The following FOXP1 variants were observed in gnomAD, a reference collection of about 807,000 sequenced individuals.
FOXP1 encodes forkhead box protein P1.
A neutral mutation model predicts 98.2 loss-of-function variants in FOXP1; 15 were observed. The observed-to-expected ratio is 0.15, with a 90% CI of 0.10 to 0.24. FOXP1 has a LOEUF of 0.24. FOXP1 is among the 10% of genes least tolerant of loss of function. The probability of loss-of-function intolerance (pLI) is 1.00; values close to 1 mark genes in which losing one functional copy is unlikely to be tolerated. For synonymous variants in FOXP1, 371 were observed against 314.5 expected (o/e 1.18, Z -1.90); for missense variants, 633 against 848.5 (o/e 0.75, Z 3.15).
At chr3:71,260,782 T>C (rs961936521) in intron 5 of FOXP1, among the ~76,000 whole-genome samples, 27 of 151,908 alleles carry the variant, frequency 1.8e-4, no homozygotes, top group Non-Finnish European at 3.2e-4. Flanking sequence ...GACCTTGTGA[T>C]CCGCCCGCCT....
At chr3:71,280,765 A>G (rs1280280598) in intron 5 of FOXP1, among the ~76,000 whole-genome samples, 6 of 152,126 alleles carry the variant, frequency 3.9e-5, no homozygotes, top group Admixed American at 3.9e-4. Flanking sequence ...AATGTTTAGA[A>G]GGATGGTCTC....
intron 6 of FOXP1, among the ~76,000 whole-genome samples, chr3:71,116,665 C>A (rs1430458491): frequency 6.6e-6 from 1 of 152,198 alleles, no homozygotes; most frequent in East Asian, 1.9e-4. Context: ...CCTTAGGTCT[C>A]AGCAGGAGTT....
intron 3 of FOXP1, among the ~76,000 whole-genome samples, chr3:71,481,834 T>C (rs781571565): frequency 6.6e-6 from 1 of 152,196 alleles, no homozygotes; most frequent in Admixed American, 6.5e-5. Flanking sequence ...TTGAGAATAA[T>C]GCCCACAAAC....
At chr3:71,029,565 A>AT (rs1328043496) in intron 11 of FOXP1, among the ~76,000 whole-genome samples, 1 of 151,704 alleles carries the variant, frequency 6.6e-6, no homozygotes, top group African/African-American at 2.4e-5. Context: ...TAATTTTTAT[A>AT]TTTTTTGTAG....
At chr3:71,536,573 C>CT (rs3039465) in intron 2 of FOXP1, among the ~76,000 whole-genome samples, 1,589 of 134,980 alleles carry the variant, frequency 0.012, 18 homozygotes, top group Non-Finnish European at 0.016. Context: ...AACCATGTCT[C>CT]TTTTTTTTTT....
intron 5 of FOXP1, among the ~76,000 whole-genome samples, chr3:71,259,476 G>A (rs1425678484): frequency 6.6e-6 from 1 of 152,100 alleles, no homozygotes; most frequent in Non-Finnish European, 1.5e-5. Flanking sequence ...TTTTCTTATT[G>A]TCCACCAAGG....
intron 5 of FOXP1, among the ~76,000 whole-genome samples, chr3:71,209,982 G>C (rs2064331232): frequency 6.6e-6 from 1 of 152,120 alleles, no homozygotes; most frequent in Non-Finnish European, 1.5e-5. Flanking sequence ...CGTGATGTCA[G>C]TGCAAAGTGC....
intron 3 of FOXP1, among the ~76,000 whole-genome samples, chr3:71,363,618 A>G (rs1479534535): frequency 1.3e-5 from 2 of 152,214 alleles, no homozygotes; most frequent in Non-Finnish European, 2.9e-5. Flanking sequence ...ACAGGTTCTC[A>G]GATTATCAGC....
At chr3:71,383,940 G>T (rs951819574) in intron 3 of FOXP1, among the ~76,000 whole-genome samples, 1 of 152,170 alleles carries the variant, frequency 6.6e-6, no homozygotes, top group Non-Finnish European at 1.5e-5. Context: ...CAAGGCTGGC[G>T]GGCGCGGTGG....
At chr3:71,539,205 G>A (rs1025914436) in intron 2 of FOXP1, among the ~76,000 whole-genome samples, 13 of 149,712 alleles carry the variant, frequency 8.7e-5, no homozygotes, top group African/African-American at 2.5e-4. Flanking sequence ...TCCGCCTCCC[G>A]GGTTCACGCC....
chr3:71,221,290 C>T lies in FOXP1; in HGVS notation c.-11-22898G>A, dbSNP rs1418704296. Among the ~76,000 whole-genome samples, 7 of 152,168 alleles carry T rather than the reference C, an allele frequency of 4.6e-5. No individual in the cohort carries two copies. In the East Asian group the frequency reaches 5.8e-4, roughly 13 times the overall value. On this transcript the variant is annotated intron_variant, in intron 5 of 20. Transcript: ENST00000649528. Reference sequence around the variant, plus strand: ...TCCTGGTCAGAAAAATTGTCTTCCACGAAACTGGTCCTTGGTGCCAAAAAT... The same window carrying T: ...TCCTGGTCAGAAAAATTGTCTTCCATGAAACTGGTCCTTGGTGCCAAAAAT...
intron 12 of FOXP1, among the ~76,000 whole-genome samples, chr3:71,015,164 C>A (rs1337827212): frequency 1.3e-5 from 2 of 150,426 alleles, no homozygotes; most frequent in Admixed American, 6.6e-5. Context: ...GATGACACCT[C>A]CAACAACAAC....
chr3:71,319,951 CT>C (rs1308801526), intron 4 of FOXP1, among the ~76,000 whole-genome samples: 6 of 152,160 alleles, frequency 3.9e-5, no homozygotes, highest in Admixed American at 1.3e-4. Context: ...ATGACATCCA[CT>C]CCATTCTCTT....
chr3:71,228,174 G>C (rs963530863), intron 5 of FOXP1, among the ~76,000 whole-genome samples: 18 of 152,278 alleles, frequency 1.2e-4, no homozygotes, highest in African/African-American at 4.1e-4. Context: ...ATCACGGAAA[G>C]AGAGGATATT....
chr3:71,442,740 G>T (rs2086060415), intron 3 of FOXP1, among the ~76,000 whole-genome samples: 2 of 152,246 alleles, frequency 1.3e-5, no homozygotes, highest in South Asian at 4.1e-4. Context: ...TGCTCCATCA[G>T]GAAAACCAGG....
At chr3:71,446,072 AGTGAGT>A (rs1316017875) in intron 3 of FOXP1, among the ~76,000 whole-genome samples, 4 of 151,794 alleles carry the variant, frequency 2.6e-5, no homozygotes, top group African/African-American at 9.7e-5. Context: ...TGAGTGAGTG[AGTGAGT>A]GAGTGAATGA....
intron 2 of FOXP1, among the ~76,000 whole-genome samples, chr3:71,519,345 G>C (rs1277259607): frequency 6.6e-6 from 1 of 152,204 alleles, no homozygotes; most frequent in Non-Finnish European, 1.5e-5. Context: ...AAACTGCGGA[G>C]ACTTTACATA....
intron 6 of FOXP1, among the ~76,000 whole-genome samples, chr3:71,137,089 A>G (rs1415216425): frequency 6.6e-6 from 1 of 152,172 alleles, no homozygotes; most frequent in Non-Finnish European, 1.5e-5. Context: ...AGAAGGCAAG[A>G]TATGAGGAGG....
At chr3:71,298,530 T>C (rs1357689691) in intron 5 of FOXP1, among the ~76,000 whole-genome samples, 1 of 152,246 alleles carries the variant, frequency 6.6e-6, no homozygotes, top group East Asian at 1.9e-4. Context: ...GGGAAGTGTC[T>C]TGCTGTGGCC....
Sources: gnomAD v4.1 joint callset for allele counts (sites outside exome capture counted in the v4.1 genomes callset) on GRCh38, gnomAD v4.1.1 for gene constraint, MANE v1.5 for transcripts, NCBI Gene and HGNC (gene_info 2026-07-23, HGNC 2026-07-21) for gene names.